The following ANGPT2 variants were observed in gnomAD, a reference collection of about 807,000 sequenced individuals.
ANGPT2 encodes the protein angiopoietin 2.
Under a neutral mutation model 62.9 loss-of-function variants are expected in ANGPT2, and 28 were observed. The ratio of observed to expected loss-of-function variants is 0.44; its 90% confidence interval spans 0.33 to 0.61. The LOEUF (loss-of-function observed/expected upper bound fraction) is 0.61, where lower values mean the gene tolerates loss of function less well. Among genes scored for constraint, ANGPT2 ranks in the 20% least tolerant of loss-of-function variants. The pLI is 0.03. For synonymous variants in ANGPT2, 284 were observed against 207.8 expected (o/e 1.37, Z -3.15); for missense variants, 727 against 594.9 (o/e 1.22, Z -2.31).
intron 3 of ANGPT2, 70 bp from the exon 4 acceptor site, chr8:6,521,480 T>G: frequency 1.8e-6 from 2 of 1,119,730 alleles, no homozygotes; most frequent in East Asian, 5.1e-5. Context: ...ATTGAATTTC[T>G]ACTTCTCCAA....
intron 1 of ANGPT2, among the ~76,000 whole-genome samples, chr8:6,541,725 C>T (rs1455755067): frequency 2.0e-5 from 3 of 152,034 alleles, no homozygotes; most frequent in East Asian, 1.9e-4. Flanking sequence ...AATGTAGGGC[C>T]GGGCATAGTG....
rs1812291573 is a variant in ANGPT2, at chr8:6,501,981, T to C, written c.*1120A>G. The C allele has an allele frequency of 6.6e-6, 1 of 152,090 alleles. No individual in the cohort carries two copies. Among genetic ancestry groups the C allele is most frequent in the Admixed American group, 6.5e-5 (1 of 15,276 alleles). 9.4% of individuals were successfully genotyped at this position (152,090 alleles called of 1,614,324 possible). The stretch of plus-strand genomic sequence containing the variant: ...ACATAAAAAAACTTACTAGTGTCAA[T>C]TATTTTTTTCCTTAAGTAAATTTAA... On this transcript the variant is annotated 3_prime_UTR_variant, in exon 9 of 9. Transcript: ENST00000629816.
rs772194603 is a variant in ANGPT2 at position 6,501,375 on chromosome 8, TC to T, written c.*1725del. 1 of 152,128 alleles carries T rather than the reference TC, an allele frequency of 6.6e-6. No homozygotes were observed. Among genetic ancestry groups the T allele is most frequent in the South Asian group, 2.1e-4 (1 of 4,824 alleles). The allele number at this position is 152,128 out of a possible 1,614,324, so 9.4% of individuals were successfully genotyped here. Reference sequence around the variant, plus strand: ...CTAGTTACAGACTGGACTCTGAACTTCCTTGCAAATGATTCAGAAAAGAATA... The same window carrying T: ...CTAGTTACAGACTGGACTCTGAACTTCTTGCAAATGATTCAGAAAAGAATA... On this transcript the variant is annotated 3_prime_UTR_variant, in exon 9 of 9. Transcript: ENST00000629816.
At chr8:6,528,565 T>G (rs1382904334) in intron 2 of ANGPT2, among the ~76,000 whole-genome samples, 2 of 152,260 alleles carry the variant, frequency 1.3e-5, no homozygotes, top group Non-Finnish European at 2.9e-5. Context: ...ATAGCGTGAG[T>G]GTGAAGCGGA....
rs147326288 is a variant in ANGPT2, at chr8:6,550,453, C to A, written c.288+12194G>T. 4.8e-3 allele frequency among the ~76,000 whole-genome samples: 733 copies of A among 152,320 alleles called. 7 individuals carry two copies. The highest frequency in any genetic ancestry group is 0.017 in the African/African-American group (697 of 41,578). On this transcript the variant is annotated intron_variant, in intron 1 of 8. Transcript: ENST00000629816. ...TGGCACCAAGCCAACCACTCAGCAT[C>A]CAGCGCGTCCTCACCTCCCCTCCGG...
rs199778883 is a variant in ANGPT2, at chr8:6,514,827, C to T, written c.928-49G>A. 73 of 1,513,174 alleles carry T rather than the reference C, an allele frequency of 4.8e-5. 2 individuals are homozygous for T. The African/African-American group carries it at 6.4e-4, about 13-fold the overall frequency. The allele number at this position is 1,513,174 out of a possible 1,614,324, so 93.7% of individuals were successfully genotyped here. On this transcript the variant is annotated intron_variant, in intron 5 of 8. Transcript: ENST00000629816. ...AAGTGACAGAGCCCCCCCACTCCCC[C>T]CTTACGTAGCAGAAGCAGGAGGAAT...
Position 6,500,385 on chromosome 8 carries a change from ATTT to A in ANGPT2, c.*2713_*2715del, listed in dbSNP as rs1811921697. The A allele has an allele frequency of 6.3e-6, 1 of 158,220 alleles. No homozygotes were observed. Among genetic ancestry groups the A allele is most frequent in the African/African-American group, 2.4e-5 (1 of 41,468 alleles). The allele number at this position is 158,220 out of a possible 1,614,324, so 9.8% of individuals were successfully genotyped here. A position where few individuals can be genotyped will look rare whatever the true frequency, so the allele number is the denominator to read the frequency against. On this transcript the variant is annotated 3_prime_UTR_variant, in exon 9 of 9. Transcript: ENST00000629816. The stretch of plus-strand genomic sequence containing the variant: ...CTTCATTGAAAAGTTCTGGGTTCTA[ATTT>A]TTTTTAAGATTAAGTAATAATTAAG...
rs1017389993 is a variant in ANGPT2, at chr8:6,500,615, T to A, written c.*2486A>T. On this transcript the variant is annotated 3_prime_UTR_variant, in exon 9 of 9. Coordinates refer to ENST00000629816, the MANE Select transcript of ANGPT2 (RefSeq NM_001118887.2). ...TAAAACATAACAAGGAGTTGAACTGTGCTCCCTGATCACTGTAGTTATCTA... is the reference window on the plus strand; with the variant it reads ...TAAAACATAACAAGGAGTTGAACTGAGCTCCCTGATCACTGTAGTTATCTA... 1 of 152,360 alleles carries A rather than the reference T, an allele frequency of 6.6e-6. No individual in the cohort carries two copies. The highest frequency in any genetic ancestry group is 2.4e-5 in the African/African-American group (1 of 41,454). 9.4% of individuals were successfully genotyped at this position (152,360 alleles called of 1,614,324 possible). A position where few individuals can be genotyped will look rare whatever the true frequency, so the allele number is the denominator to read the frequency against.
intron 1 of ANGPT2, among the ~76,000 whole-genome samples, chr8:6,537,343 G>T (rs953775667): frequency 6.6e-6 from 1 of 152,012 alleles, no homozygotes; most frequent in African/African-American, 2.4e-5. Flanking sequence ...GGCAAAGTGT[G>T]GGGCCTTGGG....
chr8:6,525,438 C>G (rs1586363445), intron 3 of ANGPT2, among the ~76,000 whole-genome samples: 1 of 152,176 alleles, frequency 6.6e-6, no homozygotes, highest in Non-Finnish European at 1.5e-5. Flanking sequence ...TTATATTGCC[C>G]TGGCTAGTCT....
intron 8 of ANGPT2, 52 bp from the exon 9 acceptor site, chr8:6,503,313 A>G (rs1198324597): frequency 6.3e-7 from 1 of 1,598,322 alleles, no homozygotes; most frequent in Non-Finnish European, 8.6e-7. Flanking sequence ...GCCAGCTCCC[A>G]CCACGAAGAC....
chr8:6,513,218 T>G (rs1815530260), intron 7 of ANGPT2, among the ~76,000 whole-genome samples: 1 of 152,238 alleles, frequency 6.6e-6, no homozygotes, highest in South Asian at 2.1e-4. Flanking sequence ...GTTAGAATTT[T>G]AAACCCAGAG....
At chr8:6,558,262 G>T (rs1042896151) in intron 1 of ANGPT2, among the ~76,000 whole-genome samples, 3 of 152,310 alleles carry the variant, frequency 2.0e-5, no homozygotes, top group African/African-American at 7.2e-5. Context: ...CTCCAAGAAA[G>T]GGATGGAAGA....
Position 6,521,347 on chromosome 8 carries a change from T to C in ANGPT2, c.630A>G (p.Lys210=). ...DKHIIQLQSI[K]EEKDQLQVLV... is the part of the protein sequence containing the mutation. ...ACACCTGTAGCTGATCTTTCTCTTC[T>C]TTTATTGACTGTAGTTGGATGATGT... Residue 210 remains lysine (K), a synonymous_variant, in exon 4 of 9, where the codon AAA becomes AAG. Coordinates refer to ENST00000629816, the MANE Select transcript of ANGPT2 (RefSeq NM_001118887.2). 1 of 1,613,840 alleles carries C rather than the reference T, an allele frequency of 6.2e-7. No homozygotes were observed. Among genetic ancestry groups the C allele is most frequent in the Non-Finnish European group, 8.5e-7 (1 of 1,179,948 alleles).
intron 1 of ANGPT2, among the ~76,000 whole-genome samples, chr8:6,542,357 G>C: frequency 6.6e-6 from 1 of 151,832 alleles, no homozygotes. Flanking sequence ...AGTTCTCTAA[G>C]AAACAGACAT....
At chr8:6,520,379 C>A (rs1253543154) in intron 4 of ANGPT2, among the ~76,000 whole-genome samples, 1 of 152,134 alleles carries the variant, frequency 6.6e-6, no homozygotes, top group Non-Finnish European at 1.5e-5. Context: ...TGTCCCTAAA[C>A]ACTGTTATCT....
chr8:6,511,723 C>G (rs1464771299), intron 7 of ANGPT2, among the ~76,000 whole-genome samples: 1 of 152,054 alleles, frequency 6.6e-6, no homozygotes, highest in Non-Finnish European at 1.5e-5. Context: ...AAGCTTTAAA[C>G]CAATGTGTGT....
Position 6,562,742 on chromosome 8 carries a change from C to G in ANGPT2, c.193G>C (p.Val65Leu). Residue 65 changes from valine to leucine, a missense_variant, in exon 1 of 9, where the codon GTG becomes CTG. Val to Leu is a conservative substitution (Grantham distance 32, BLOSUM62 1). Transcript: ENST00000629816. Reference sequence around the variant, plus strand: ...TATTCGAGCGGCGCGTCCCTCTGCACAGCATTGGACACGTAGGGGCTGGAG... The same window carrying G: ...TATTCGAGCGGCGCGTCCCTCTGCAGAGCATTGGACACGTAGGGGCTGGAG... The part of the protein sequence containing the change: ...SSSSPYVSNA[V>L]QRDAPLEYDD... 1 of 1,613,846 alleles carries G rather than the reference C, an allele frequency of 6.2e-7. No individual in the cohort carries two copies. The highest frequency in any genetic ancestry group is 8.5e-7 in the Non-Finnish European group (1 of 1,179,966).
At chr8:6,515,029 C>A (rs1290996739) in intron 5 of ANGPT2, among the ~76,000 whole-genome samples, 1 of 152,170 alleles carries the variant, frequency 6.6e-6, no homozygotes, top group African/African-American at 2.4e-5. Context: ...ATATGACTCA[C>A]TTGTCATCAT....
Sources: gnomAD v4.1 joint callset for allele counts (sites outside exome capture counted in the v4.1 genomes callset) on GRCh38, gnomAD v4.1.1 for gene constraint, MANE v1.5 for transcripts, NCBI Gene and HGNC (gene_info 2026-07-23, HGNC 2026-07-21) for gene names.